Variants in NEK6 observed in about 807,000 individuals in gnomAD.
NEK6 encodes NIMA related kinase 6, also known as serine/threonine-protein kinase Nek6.
In NEK6, 27 loss-of-function variants were observed where a neutral mutation model predicts 43.5. The observed-to-expected ratio is 0.62, with a 90% CI of 0.46 to 0.86. The LOEUF (loss-of-function observed/expected upper bound fraction) is 0.86. NEK6 is among the 40% of genes least tolerant of loss of function. NEK6 has a pLI of 0.00. For synonymous variants in NEK6, 167 were observed against 164.1 expected, an observed-to-expected ratio of 1.02 and a Z score of -0.14; for missense variants, 318 against 414.4, an observed-to-expected ratio of 0.77 and a Z score of 2.02.
In NEK6 at chr9:124,346,100, G is replaced by A. The variant is rs73666868; in HGVS notation, c.718-1609G>A. 9.9e-3 allele frequency among the ~76,000 whole-genome samples: 1,504 copies of A among 152,296 alleles called. 26 individuals carry two copies. The highest frequency in any genetic ancestry group is 0.034 in the African/African-American group (1,426 of 41,562). ...GCTCCCAGCCAGCCGGAAGACAGAGGTGATGCTGTCCCTAAACACCCACCT... is the reference window on the plus strand; with the variant it reads ...GCTCCCAGCCAGCCGGAAGACAGAGATGATGCTGTCCCTAAACACCCACCT... On this transcript the variant is annotated intron_variant, in intron 8 of 9. Coordinates refer to ENST00000320246, the MANE Select transcript of NEK6 (RefSeq NM_014397.6).
intron 4 of NEK6, among the ~76,000 whole-genome samples, chr9:124,315,756 C>T (rs1833781685): frequency 6.6e-6 from 1 of 152,186 alleles, no homozygotes; most frequent in Non-Finnish European, 1.5e-5. Flanking sequence ...TGGCGTAAAC[C>T]CACATGGCTG....
chr9:124,269,739 G>A (rs879338751), intron 1 of NEK6, among the ~76,000 whole-genome samples: 5 of 152,166 alleles, frequency 3.3e-5, no homozygotes, highest in African/African-American at 1.2e-4. Context: ...ACTGCAGCCC[G>A]GTGCCTGGCA....
intron 1 of NEK6, among the ~76,000 whole-genome samples, chr9:124,284,436 C>T (rs537885956): frequency 1.3e-4 from 20 of 152,370 alleles, no homozygotes; most frequent in African/African-American, 4.6e-4. Flanking sequence ...TGAACGGACT[C>T]GGGTCTTTCC....
chr9:124,268,355 G>A (rs1302394940), intron 1 of NEK6, among the ~76,000 whole-genome samples: 1 of 152,124 alleles, frequency 6.6e-6, no homozygotes, highest in Admixed American at 6.5e-5. Flanking sequence ...GATGTACCTG[G>A]CCTGGTGCTG....
Position 124,350,830 on chromosome 9 carries a change from C to T in NEK6, c.832-7C>T. Reference sequence around the variant, plus strand: ...TTGAGAATAACACACCATTCTCTCCCCTGCAGTTACGAGAACTGGTCAGCA... The same window carrying T: ...TTGAGAATAACACACCATTCTCTCCTCTGCAGTTACGAGAACTGGTCAGCA... On this transcript the variant is annotated splice_region_variant and splice_polypyrimidine_tract_variant and intron_variant, in intron 9 of 9. Transcript: ENST00000320246. 1.2e-6 allele frequency: 2 copies of T among 1,601,042 alleles called. No homozygotes were observed. Among genetic ancestry groups the T allele is most frequent in the Non-Finnish European group, 1.7e-6 (2 of 1,169,426 alleles).
chr9:124,346,259 T>C (rs1479299405), intron 8 of NEK6, among the ~76,000 whole-genome samples: 1 of 152,154 alleles, frequency 6.6e-6, no homozygotes, highest in Non-Finnish European at 1.5e-5. Context: ...GGTGCCAGGC[T>C]CTGAAGCTCC....
intron 4 of NEK6, among the ~76,000 whole-genome samples, chr9:124,314,200 C>T (rs908262756): frequency 7.9e-5 from 12 of 152,102 alleles, no homozygotes; most frequent in Non-Finnish European, 1.5e-4. Flanking sequence ...CCCTTGGGGT[C>T]GCTGCCTACA....
chr9:124,338,809 C>G (rs980075728), intron 7 of NEK6, among the ~76,000 whole-genome samples: 2 of 152,202 alleles, frequency 1.3e-5, no homozygotes, highest in African/African-American at 4.8e-5. Flanking sequence ...CTGTTGGGAA[C>G]AGAAATGAGC....
intron 1 of NEK6, among the ~76,000 whole-genome samples, chr9:124,266,223 C>T (rs577808770): frequency 2.0e-5 from 3 of 152,276 alleles, no homozygotes; most frequent in Admixed American, 6.5e-5. Flanking sequence ...ATGGCCTTAC[C>T]AGGCACTTAC....
intron 1 of NEK6, 110 bp from the exon 2 acceptor site, chr9:124,301,826 A>G: frequency 5.7e-6 from 5 of 873,550 alleles, no homozygotes; most frequent in Non-Finnish European, 9.2e-6. Flanking sequence ...CAAATTACTG[A>G]ACGGCTTTGC....
chr9:124,289,064 T>G (rs557208870), intron 1 of NEK6, among the ~76,000 whole-genome samples: 1 of 152,070 alleles, frequency 6.6e-6, no homozygotes, highest in East Asian at 1.9e-4. Context: ...CTCCACAGCC[T>G]TGAACTCCTG....
Position 124,347,768 on chromosome 9 carries a change from G to T in NEK6, c.777G>T (p.Gln259His). The part of the protein sequence containing the change: ...GDKMNLFSLC[Q>H]KIEQCDYPPL... ...AGATGAATCTCTTCTCCCTGTGCCA[G>T]AAGATCGAGCAGTGTGACTACCCCC... The change falls in exon 9 of 10, where the codon CAG becomes CAT. Residue 259 changes from glutamine to histidine, a missense_variant. By Grantham distance (24) the Gln-to-His change is conservative (BLOSUM62 0). Transcript: ENST00000320246. 6.2e-7 allele frequency: 1 copy of T among 1,613,416 alleles called. No homozygotes were observed. Among genetic ancestry groups the T allele is most frequent in the Non-Finnish European group, 8.5e-7 (1 of 1,179,640 alleles).
At chr9:124,321,430 C>G in intron 4 of NEK6, 29 bp from the exon 5 acceptor site, 63 of 1,413,036 alleles carry the variant, frequency 4.5e-5, no homozygotes, top group Non-Finnish European at 6.1e-5. Context: ...TCACTTGGTG[C>G]CCCCTTCCCT....
At chr9:124,314,090 C>T (rs2130871140) in intron 4 of NEK6, 105 bp downstream of exon 4, 1 of 990,722 alleles carries the variant, frequency 1.0e-6, no homozygotes, top group Admixed American at 2.1e-5. Context: ...CAGGAATCCG[C>T]AGCCCCTGCT....
chr9:124,344,297 A>T (rs996916910), intron 8 of NEK6, among the ~76,000 whole-genome samples: 2 of 152,182 alleles, frequency 1.3e-5, no homozygotes, highest in Non-Finnish European at 2.9e-5. Flanking sequence ...AGTCCCAAAA[A>T]TTCGGTGATG....
chr9:124,311,077 C>T (rs537106639), intron 2 of NEK6, among the ~76,000 whole-genome samples: 8 of 152,296 alleles, frequency 5.3e-5, no homozygotes, highest in Non-Finnish European at 8.8e-5. Flanking sequence ...GCCCCTGCTC[C>T]GCAGGCATCT....
chr9:124,321,788 C>G (rs1834078339), intron 5 of NEK6, among the ~76,000 whole-genome samples: 1 of 152,246 alleles, frequency 6.6e-6, no homozygotes, highest in African/African-American at 2.4e-5. Flanking sequence ...AGGCCTCTTT[C>G]TTTCCACTGG....
intron 1 of NEK6, chr9:124,261,588 GCTT>G: frequency 3.0e-6 from 3 of 985,388 alleles, no homozygotes; most frequent in Non-Finnish European, 3.6e-6. Context: ...TTGTAGGTAG[GCTT>G]CTTGTCACTT....
At chr9:124,292,804 G>A in intron 1 of NEK6, 2 of 1,409,268 alleles carry the variant, frequency 1.4e-6, no homozygotes, top group Non-Finnish European at 1.9e-6. Context: ...GGGCCATGGA[G>A]AGAGTGGTTT....
Sources: allele counts gnomAD v4.1 joint callset (sites outside exome capture counted in the v4.1 genomes callset), GRCh38; gene constraint gnomAD v4.1.1; transcripts MANE v1.5; gene names NCBI Gene and HGNC (gene_info 2026-07-23, HGNC 2026-07-21).